Variants in ADK observed in about 807,000 individuals in gnomAD.
ADK encodes the protein N6,N6-dimethyladenosine kinase.
In ADK, 24 loss-of-function variants were observed where a neutral mutation model predicts 44.7. That is an observed-to-expected ratio of 0.54 (90% CI 0.39 to 0.76). The LOEUF is 0.76. Ranked by LOEUF, ADK falls within the 30% of genes least tolerant of loss-of-function variation. The pLI is 0.00. For synonymous variants in ADK, 128 were observed against 142.6 expected, an observed-to-expected ratio of 0.90 and a Z score of 0.73; for missense variants, 321 against 425.1, an observed-to-expected ratio of 0.76 and a Z score of 2.15.
intron 2 of ADK, among the ~76,000 whole-genome samples, chr10:74,217,482 T>G (rs1844099242): frequency 2.0e-5 from 3 of 152,182 alleles, no homozygotes; most frequent in Admixed American, 6.5e-5. Context: ...CTCTGCAGAC[T>G]TATATGTCCC....
intron 10 of ADK, among the ~76,000 whole-genome samples, chr10:74,697,207 A>G (rs1856239826): frequency 6.6e-6 from 1 of 152,198 alleles, no homozygotes; most frequent in Non-Finnish European, 1.5e-5. Flanking sequence ...TTGGGAAAAC[A>G]ATTTCAGCGT....
At chr10:74,270,059 A>C (rs1360570340) in intron 3 of ADK, among the ~76,000 whole-genome samples, 2 of 152,336 alleles carry the variant, frequency 1.3e-5, no homozygotes, top group East Asian at 3.9e-4. Flanking sequence ...GAGAGATATT[A>C]GTCCGATGGT....
At chr10:74,464,820 C>G (rs186516506) in intron 6 of ADK, among the ~76,000 whole-genome samples, 1 of 133,326 alleles carries the variant, frequency 7.5e-6, no homozygotes, top group East Asian at 2.1e-4. Context: ...TGCACTGCAG[C>G]CTGGGCAACT....
chr10:74,636,990 A>G (rs1853641411), intron 9 of ADK, among the ~76,000 whole-genome samples: 2 of 152,232 alleles, frequency 1.3e-5, no homozygotes, highest in Admixed American at 1.3e-4. Context: ...AGGGCAAAAG[A>G]CATGAAAAAT....
chr10:74,572,395 C>T (rs1851002121), intron 7 of ADK, among the ~76,000 whole-genome samples: 1 of 152,176 alleles, frequency 6.6e-6, no homozygotes, highest in Admixed American at 6.5e-5. Context: ...ATGGGCTTCC[C>T]TTTGTGGGTA....
At chr10:74,349,523 C>A (rs772440356) in intron 4 of ADK, among the ~76,000 whole-genome samples, 4 of 152,160 alleles carry the variant, frequency 2.6e-5, no homozygotes, top group Non-Finnish European at 5.9e-5. Context: ...GTAAAATAAC[C>A]TGCTAACATC....
chr10:74,170,207 C>G (rs1449087196), intron 1 of ADK, among the ~76,000 whole-genome samples: 1 of 152,030 alleles, frequency 6.6e-6, no homozygotes, highest in Non-Finnish European at 1.5e-5. Context: ...CTGGGCTCGT[C>G]AAGGCTTTGC....
chr10:74,581,949 A>AAT (rs1462431454), intron 7 of ADK, among the ~76,000 whole-genome samples: 1 of 152,216 alleles, frequency 6.6e-6, no homozygotes. Context: ...TACCTGCTGT[A>AAT]TGGCCTTGGA....
chr10:74,233,744 A>G (rs189579444), intron 3 of ADK, among the ~76,000 whole-genome samples: 14 of 152,146 alleles, frequency 9.2e-5, no homozygotes, highest in Non-Finnish European at 1.9e-4. Flanking sequence ...GATTTCTTTC[A>G]TTACCTACTT....
intron 7 of ADK, among the ~76,000 whole-genome samples, chr10:74,555,854 G>C (rs868738671): frequency 2.3e-4 from 35 of 152,094 alleles, no homozygotes; most frequent in Admixed American, 5.2e-4. Flanking sequence ...AACTTGAGTT[G>C]GTCCTAACAG....
chr10:74,613,437 C>T (rs866523374), intron 9 of ADK, among the ~76,000 whole-genome samples: 24 of 151,924 alleles, frequency 1.6e-4, no homozygotes, highest in African/African-American at 5.6e-4. Context: ...CTTCTTTTTT[C>T]GATCCTTCAA....
chr10:74,200,156 G>GTTTTTTTTTTTTTTTTTT (rs760622376), intron 1 of ADK, among the ~76,000 whole-genome samples: 1 of 99,274 alleles, frequency 1.0e-5, no homozygotes, highest in African/African-American at 4.2e-5. Flanking sequence ...GACACCATCT[G>GTTTTTTTTTTTTTTTTTT]TTTTTTTTTT....
chr10:74,499,224 G>C (rs902908091), intron 6 of ADK, among the ~76,000 whole-genome samples: 9 of 151,956 alleles, frequency 5.9e-5, no homozygotes, highest in African/African-American at 1.9e-4. Flanking sequence ...GCTAAATTCT[G>C]AGTTGTTTTT....
intron 7 of ADK, among the ~76,000 whole-genome samples, chr10:74,581,679 AAACAAC>A (rs202207159): frequency 6.6e-6 from 1 of 152,248 alleles, no homozygotes; most frequent in South Asian, 2.1e-4. Flanking sequence ...AGGTTTCTAA[AAACAAC>A]AACAACAACA....
intron 6 of ADK, among the ~76,000 whole-genome samples, chr10:74,411,817 C>T (rs1844187267): frequency 6.6e-6 from 1 of 152,218 alleles, no homozygotes; most frequent in African/African-American, 2.4e-5. Context: ...AAATTGGAGT[C>T]AGCCCTCTCT....
intron 2 of ADK, among the ~76,000 whole-genome samples, chr10:74,223,089 T>C (rs542379207): frequency 1.3e-5 from 2 of 152,200 alleles, no homozygotes; most frequent in African/African-American, 4.8e-5. Flanking sequence ...CTGGGTATTT[T>C]ATAAGAAAAG....
intron 8 of ADK, among the ~76,000 whole-genome samples, chr10:74,594,982 C>T (rs1851852590): frequency 6.6e-6 from 1 of 152,002 alleles, no homozygotes; most frequent in Non-Finnish European, 1.5e-5. Flanking sequence ...TCGAGACCAG[C>T]CTGGCCAACA....
chr10:74,364,690 GT>G (rs1842444571), intron 4 of ADK, among the ~76,000 whole-genome samples: 8 of 5,598 alleles, frequency 1.4e-3, no homozygotes, highest in African/African-American at 3.7e-3. Context: ...AGGCTATGGT[GT>G]GTGTGTGTGT....
intron 1 of ADK, among the ~76,000 whole-genome samples, chr10:74,187,328 C>T (rs555800434): frequency 2.0e-5 from 3 of 152,206 alleles, no homozygotes; most frequent in East Asian, 3.9e-4. Flanking sequence ...GGATTATTTT[C>T]ACTTTTGGGC....
Sources: gnomAD v4.1 joint callset for allele counts (sites outside exome capture counted in the v4.1 genomes callset) on GRCh38, gnomAD v4.1.1 for gene constraint, MANE v1.5 for transcripts, NCBI Gene and HGNC (gene_info 2026-07-23, HGNC 2026-07-21) for gene names.